IQGAP2: variants seen among roughly 807,000 people sequenced by gnomAD.
IQGAP2 encodes IQ motif containing GTPase activating protein 2.
A neutral mutation model predicts 201.3 loss-of-function variants in IQGAP2; 173 were observed. The ratio of observed to expected loss-of-function variants is 0.86; its 90% CI spans 0.76 to 0.98. IQGAP2 has a LOEUF of 0.98. IQGAP2 is among the 50% of genes least tolerant of loss of function. The pLI is 0.00. For synonymous variants in IQGAP2, 675 were observed against 673.9 expected (o/e 1.00, Z -0.03); for missense variants, 1,687 against 1,864.8 (o/e 0.90, Z 1.76).
rs1321320402 is a variant in IQGAP2, at chr5:76,489,337, C to G, written c.146+27668C>G. On this transcript the variant is annotated intron_variant, in intron 2 of 35. Coordinates refer to ENST00000274364, the MANE Select transcript of IQGAP2 (RefSeq NM_006633.5). ...TAGAGCTGACACCTTTGTTTTCTGT[C>G]ACTTCTCAGGCCAAGAAGTAACTTT... 2.0e-5 allele frequency among the ~76,000 whole-genome samples: 3 copies of G among 152,178 alleles called. No homozygotes were observed. The East Asian group carries it at 5.8e-4, about 29-fold the overall frequency.
intron 2 of IQGAP2, among the ~76,000 whole-genome samples, chr5:76,548,618 A>G (rs1743243232): frequency 6.6e-6 from 1 of 152,196 alleles, no homozygotes; most frequent in South Asian, 2.1e-4. Context: ...TGTAATCTTG[A>G]GCAAATTACT....
intron 10 of IQGAP2, among the ~76,000 whole-genome samples, chr5:76,597,909 C>T (rs1260800509): frequency 6.6e-6 from 1 of 152,116 alleles, no homozygotes; most frequent in African/African-American, 2.4e-5. Flanking sequence ...TTTAGCTATA[C>T]CGATGTGGTA....
chr5:76,507,880 G>A (rs1262398247), intron 2 of IQGAP2, among the ~76,000 whole-genome samples: 1 of 151,142 alleles, frequency 6.6e-6, no homozygotes, highest in Non-Finnish European at 1.5e-5. Context: ...GTGGTGACAC[G>A]CGCCTGTAGT....
At chr5:76,420,194 G>T (rs2150079859) in intron 1 of IQGAP2, among the ~76,000 whole-genome samples, 1 of 152,184 alleles carries the variant, frequency 6.6e-6, no homozygotes, top group South Asian at 2.1e-4. Flanking sequence ...AGATTCCAAT[G>T]TGCAGCCAAG....
Position 76,403,669 on chromosome 5 carries a change from G to T in IQGAP2, c.46+78G>T, listed in dbSNP as rs912483550. 3 of 1,252,638 alleles carry T rather than the reference G, an allele frequency of 2.4e-6. No homozygotes were observed. The highest frequency in any genetic ancestry group is 6.9e-5 in the Admixed American group (2 of 29,154). The allele number at this position is 1,252,638 out of a possible 1,614,324, so 77.6% of individuals were successfully genotyped here. A position where few individuals can be genotyped will look rare whatever the true frequency, so the allele number is the denominator to read the frequency against. ...CGAGGACGGCGTTGGAGAAGCCGAG[G>T]GAGCCGGTTGCGCGGCGCAGAGGAA... On this transcript the variant is annotated intron_variant, in intron 1 of 35. Transcript: ENST00000274364. This position sits in a 1 kb window ranked among gnomAD's most constrained non-coding sequence, Gnocchi z 4.8.
intron 31 of IQGAP2, among the ~76,000 whole-genome samples, chr5:76,694,194 A>C (rs551577560): frequency 4.9e-4 from 74 of 152,320 alleles, no homozygotes; most frequent in Middle Eastern, 3.4e-3. Context: ...ATACTTTGGA[A>C]GGCTGAGGTG....
chr5:76,472,585 T>C (rs1432100440), intron 2 of IQGAP2, among the ~76,000 whole-genome samples: 1 of 152,226 alleles, frequency 6.6e-6, no homozygotes, highest in Non-Finnish European at 1.5e-5. Flanking sequence ...CATTTCGTGT[T>C]CTCTGTCTGC....
intron 1 of IQGAP2, among the ~76,000 whole-genome samples, chr5:76,424,982 T>A (rs1260679656): frequency 6.6e-6 from 1 of 152,148 alleles, no homozygotes; most frequent in Non-Finnish European, 1.5e-5. Flanking sequence ...CAGGATTGAT[T>A]AGGGAAAGGA....
chr5:76,503,158 CTTTTTCTTTTCTTTTCT>C (rs1266029071), intron 2 of IQGAP2, among the ~76,000 whole-genome samples: 2 of 140,264 alleles, frequency 1.4e-5, no homozygotes, highest in Admixed American at 7.3e-5. Context: ...ATTTCCTTTT[CTTTTTCTTTTCTTTTCT>C]TTTTTTTTTT....
At chr5:76,603,434 A>G (rs1366233383) in intron 11 of IQGAP2, among the ~76,000 whole-genome samples, 1 of 152,072 alleles carries the variant, frequency 6.6e-6, no homozygotes, top group Non-Finnish European at 1.5e-5. Context: ...TATAAAGCAC[A>G]AAAACAAAAG....
At chr5:76,447,344 T>C (rs1200622486) in intron 1 of IQGAP2, among the ~76,000 whole-genome samples, 1 of 152,152 alleles carries the variant, frequency 6.6e-6, no homozygotes, top group Non-Finnish European at 1.5e-5. Context: ...CAATCATCTA[T>C]CGCCTGAGAG....
At chr5:76,508,319 A>G (rs1441701300) in intron 2 of IQGAP2, among the ~76,000 whole-genome samples, 1 of 148,904 alleles carries the variant, frequency 6.7e-6, no homozygotes, top group Non-Finnish European at 1.5e-5. Flanking sequence ...ACTCCCATCT[A>G]AAAAAATAAA....
intron 12 of IQGAP2, chr5:76,607,021 C>A (rs190959104): frequency 7.2e-5 from 11 of 152,344 alleles, no homozygotes; most frequent in Admixed American, 6.5e-4. Flanking sequence ...GAGCTTTTGA[C>A]TTGTCAGCAA....
chr5:76,677,092 A>T lies in IQGAP2; in HGVS notation c.3528-126A>T. The T allele has an allele frequency of 5.8e-6, 5 of 868,556 alleles. No homozygotes were observed. In the South Asian group the frequency reaches 9.2e-5, roughly 16 times the overall value. The allele number at this position is 868,556 out of a possible 1,614,324, so 53.8% of individuals were successfully genotyped here. ...GAGCCAGCCTGGAAGAAGCTGTAACACGTCCTCTCAAGGTTTGAGATGGGA... is the reference window on the plus strand; with the variant it reads ...GAGCCAGCCTGGAAGAAGCTGTAACTCGTCCTCTCAAGGTTTGAGATGGGA... On this transcript the variant is annotated intron_variant, in intron 27 of 35. Coordinates refer to ENST00000274364, the MANE Select transcript of IQGAP2 (RefSeq NM_006633.5).
At chr5:76,598,625 A>G (rs972881673) in intron 10 of IQGAP2, among the ~76,000 whole-genome samples, 2 of 152,250 alleles carry the variant, frequency 1.3e-5, no homozygotes, top group African/African-American at 2.4e-5. Context: ...AGTATGAATT[A>G]TACAGATTTT....
At chr5:76,612,744 A>G (rs1037641688) in intron 13 of IQGAP2, among the ~76,000 whole-genome samples, 3 of 152,000 alleles carry the variant, frequency 2.0e-5, no homozygotes, top group Non-Finnish European at 2.9e-5. Context: ...AGGCTTGTGT[A>G]TGTGTTGGGG....
rs34099080 is a variant in IQGAP2, at chr5:76,676,077, T to TCACACACACA, written c.3528-1104_3528-1095dup. Among the ~76,000 whole-genome samples, 98 of 135,658 alleles carry TCACACACACA rather than the reference T, an allele frequency of 7.2e-4. 2 individuals carry two copies. The highest frequency in any genetic ancestry group is 2.7e-3 in the Admixed American group (36 of 13,250). The allele number at this position is 135,658 out of a possible 152,430, so 89.0% of individuals were successfully genotyped here. On this transcript the variant is annotated intron_variant, in intron 27 of 35. Coordinates refer to ENST00000274364, the MANE Select transcript of IQGAP2 (RefSeq NM_006633.5). ...GCCCAGGTGACAGGGTAAGACTCTG[T>TCACACACACA]CACACACACACACACACACACACAC...
rs992628289 is a variant in IQGAP2, at chr5:76,646,289, T to A, written c.2094+5186T>A. ...TCAGAGAATTTTGCCCATCTCAGAATTGTCACACTGTGACAAATCCCATGG... is the reference window on the plus strand; with the variant it reads ...TCAGAGAATTTTGCCCATCTCAGAAATGTCACACTGTGACAAATCCCATGG... On this transcript the variant is annotated intron_variant, in intron 17 of 35. Transcript: ENST00000274364. Among the ~76,000 whole-genome samples, 12 of 152,230 alleles carry A rather than the reference T, an allele frequency of 7.9e-5. No homozygotes were observed. The East Asian group carries it at 2.3e-3, about 29-fold the overall frequency.
intron 2 of IQGAP2, among the ~76,000 whole-genome samples, chr5:76,527,428 C>T (rs1273300832): frequency 6.6e-6 from 1 of 152,054 alleles, no homozygotes; most frequent in Non-Finnish European, 1.5e-5. Context: ...CACTCAGTGC[C>T]CCCCATAGAC....
Sources: allele counts gnomAD v4.1 joint callset (sites outside exome capture counted in the v4.1 genomes callset), GRCh38; gene constraint gnomAD v4.1.1; non-coding constraint Gnocchi (gnomAD v3.1); transcripts MANE v1.5; gene names NCBI Gene and HGNC (gene_info 2026-07-23, HGNC 2026-07-21).